Variants in RWDD3 observed in about 807,000 individuals in gnomAD.
RWDD3 encodes RWD domain-containing protein 3.
In RWDD3, 30 loss-of-function variants were observed where a neutral mutation model predicts 26.5. The observed-to-expected ratio is 1.13, with a 90% CI of 0.85 to 1.54. The LOEUF (loss-of-function observed/expected upper bound fraction) is 1.54. Ranked by LOEUF, RWDD3 falls within the 40% of genes most tolerant of loss-of-function variation. The pLI, the probability that RWDD3 is intolerant of heterozygous loss-of-function variation, is 0.00. For missense variants in RWDD3, 296 were observed against 309.1 expected (o/e 0.96, Z 0.32); for synonymous variants, 113 against 114.5 (o/e 0.99, Z 0.09).
chr1:95,245,401 CA>C (rs1370055380), intron 2 of RWDD3, among the ~76,000 whole-genome samples: 1 of 152,130 alleles, frequency 6.6e-6, no homozygotes, highest in Non-Finnish European at 1.5e-5. Flanking sequence ...AGAAGAGCTA[CA>C]AATCAATAGG....
chr1:95,239,631 A>G lies in RWDD3; in HGVS notation c.86-4580A>G, dbSNP rs569435602. Reference sequence around the variant, plus strand: ...TGTGGGTGGGCAGGGGGATTTACCAAGACCAATTAGGAAGAATGCTAATCC... The same window carrying G: ...TGTGGGTGGGCAGGGGGATTTACCAGGACCAATTAGGAAGAATGCTAATCC... On this transcript the variant is annotated intron_variant, in intron 1 of 3. Transcript: ENST00000370202. 7 of 620,938 alleles carry G rather than the reference A, an allele frequency of 1.1e-5. No individual in the cohort carries two copies. In the South Asian group the frequency reaches 1.3e-4, roughly 11 times the overall value. The allele number at this position is 620,938 out of a possible 1,614,324, so 38.5% of individuals were successfully genotyped here. A position where few individuals can be genotyped will look rare whatever the true frequency, so the allele number is the denominator to read the frequency against.
intron 1 of RWDD3, among the ~76,000 whole-genome samples, chr1:95,238,337 G>A (rs1680453428): frequency 6.6e-6 from 1 of 152,008 alleles, no homozygotes; most frequent in Non-Finnish European, 1.5e-5. Context: ...TGCTCAGCTC[G>A]GTTTTATGCT....
At chr1:95,239,755 T>C (rs1238505904) in intron 1 of RWDD3, 6 of 1,260,248 alleles carry the variant, frequency 4.8e-6, no homozygotes, top group Non-Finnish European at 6.1e-6. Flanking sequence ...TTTCACCCAT[T>C]GCTATTCTGT....
intron 1 of RWDD3, among the ~76,000 whole-genome samples, chr1:95,240,958 G>A (rs1405003476): frequency 6.6e-6 from 1 of 151,842 alleles, no homozygotes; most frequent in Non-Finnish European, 1.5e-5. Context: ...ATCACCTGAG[G>A]TCAAGAGTTT....
intron 1 of RWDD3, among the ~76,000 whole-genome samples, chr1:95,236,447 GA>G (rs1680362957): frequency 6.6e-6 from 1 of 152,124 alleles, no homozygotes; most frequent in Admixed American, 6.5e-5. Context: ...ACAGGGAGTT[GA>G]CTTCCATTTA....
chr1:95,244,764 G>A, intron 2 of RWDD3, 66 bp downstream of exon 2: 1 of 1,524,504 alleles, frequency 6.6e-7, no homozygotes, highest in Non-Finnish European at 8.9e-7. Context: ...GTGTCTTTAA[G>A]TGTGTTTTAT....
chr1:95,237,515 C>T (rs1364116972), intron 1 of RWDD3: 4 of 152,202 alleles, frequency 2.6e-5, no homozygotes, highest in African/African-American at 9.7e-5. Context: ...TAATTTTATG[C>T]TGAGAATTTC....
In RWDD3 at chr1:95,244,524, G is replaced by A. The variant is rs557203291; in HGVS notation, c.399G>A (p.Thr133=). 19 of 1,614,122 alleles carry A rather than the reference G, an allele frequency of 1.2e-5. No individual in the cohort carries two copies. The highest frequency in any genetic ancestry group is 8.0e-5 in the African/African-American group (6 of 75,042). ...GSEKCTFSTS[T]TMDDGLWITL... ...AAAAGTGTACTTTTTCAACAAGCAC[G>A]ACCATGGATGATGGATTGTGGATAA... Residue 133 remains threonine (T), a synonymous_variant, in exon 2 of 4, where the codon ACG becomes ACA. Transcript: ENST00000370202.
At chr1:95,241,865 A>C (rs892986879) in intron 1 of RWDD3, among the ~76,000 whole-genome samples, 67 of 147,698 alleles carry the variant, frequency 4.5e-4, no homozygotes, top group Non-Finnish European at 4.6e-4. Flanking sequence ...ACCCCTCCCC[A>C]CCCCCCCCAG....
At position 95,234,326 on chromosome 1, in the gene RWDD3, G is replaced by A; in HGVS notation, c.85+11G>A. Reference sequence around the variant, plus strand: ...TGCTGAGCCGCTCAGGTGACTACCCGCGCGCGGGAGGGACAGGGCGCCCTC... The same window carrying A: ...TGCTGAGCCGCTCAGGTGACTACCCACGCGCGGGAGGGACAGGGCGCCCTC... On this transcript the variant is annotated intron_variant, in intron 1 of 3. Coordinates refer to ENST00000370202, the MANE Select transcript of RWDD3 (RefSeq NM_015485.5). 2 of 1,582,306 alleles carry A rather than the reference G, an allele frequency of 1.3e-6. No homozygotes were observed. The highest frequency in any genetic ancestry group is 3.6e-5 in the Admixed American group (2 of 55,830).
At chr1:95,236,147 G>A (rs894993294) in intron 1 of RWDD3, among the ~76,000 whole-genome samples, 13 of 152,074 alleles carry the variant, frequency 8.5e-5, no homozygotes, top group Admixed American at 3.9e-4. Flanking sequence ...CCAACATGGC[G>A]AAACCCCATC....
intron 1 of RWDD3, among the ~76,000 whole-genome samples, chr1:95,235,993 T>C (rs943518074): frequency 2.2e-4 from 34 of 152,294 alleles, no homozygotes; most frequent in Admixed American, 2.2e-3. Flanking sequence ...GTAGCTACCA[T>C]TAAAATTGGC....
At chr1:95,236,042 C>A (rs1415167792) in intron 1 of RWDD3, among the ~76,000 whole-genome samples, 2 of 152,056 alleles carry the variant, frequency 1.3e-5, no homozygotes, top group African/African-American at 4.8e-5. Context: ...AGAAGGTAGT[C>A]TAGGCCTGGC....
intron 1 of RWDD3, among the ~76,000 whole-genome samples, chr1:95,235,683 C>T (rs538711996): frequency 2.6e-5 from 4 of 152,004 alleles, no homozygotes; most frequent in African/African-American, 9.6e-5. Context: ...TTTAAACAAG[C>T]TCTTGAGGGC....
At chr1:95,246,418 C>A in intron 2 of RWDD3, 124 bp from the exon 3 acceptor site, 1 of 579,944 alleles carries the variant, frequency 1.7e-6, no homozygotes, top group Non-Finnish European at 3.1e-6. Flanking sequence ...AAAATTCTTA[C>A]TGCTTGATTT....
chr1:95,235,417 G>A (rs1680289224), intron 1 of RWDD3, among the ~76,000 whole-genome samples: 1 of 124,284 alleles, frequency 8.0e-6, no homozygotes. Flanking sequence ...GGAGTGCAGT[G>A]GCGCGATCTC....
chr1:95,246,725 C>A, intron 3 of RWDD3, 31 bp from the exon 4 acceptor site: 2 of 1,526,926 alleles, frequency 1.3e-6, no homozygotes, highest in Non-Finnish European at 1.8e-6. Context: ...CAAATCTAGG[C>A]ATATTCATGA....
rs1398521244 is a variant in RWDD3, at chr1:95,247,026, T to C, written c.*156T>C. 4.5e-6 allele frequency: 2 copies of C among 441,548 alleles called. No individual in the cohort carries two copies. The highest frequency in any genetic ancestry group is 8.1e-6 in the Non-Finnish European group (2 of 248,416). 27.4% of individuals were successfully genotyped at this position (441,548 alleles called of 1,614,324 possible). ...CTTCAGGAACAAAAGCCAGTTCTGT[T>C]TTATGAAATATTAAACATGAAGAAA... On this transcript the variant is annotated 3_prime_UTR_variant, in exon 4 of 4. Transcript: ENST00000370202.
At chr1:95,246,218 G>A (rs1407574973) in intron 2 of RWDD3, 1 of 197,538 alleles carries the variant, frequency 5.1e-6, no homozygotes, top group Non-Finnish European at 1.0e-5. Context: ...TCCCCATGAG[G>A]TAGATCCTGC....
Sources: gnomAD v4.1 joint callset for allele counts (sites outside exome capture counted in the v4.1 genomes callset) on GRCh38, gnomAD v4.1.1 for gene constraint, MANE v1.5 for transcripts, NCBI Gene and HGNC (gene_info 2026-07-23, HGNC 2026-07-21) for gene names.